The following PIGU variants were observed in gnomAD, a reference collection of about 807,000 sequenced individuals.
The protein encoded by PIGU is phosphatidylinositol glycan anchor biosynthesis class U.
Under a neutral mutation model 49.9 loss-of-function variants are expected in PIGU, and 24 were observed. That is an observed-to-expected ratio of 0.48 (90% CI 0.35 to 0.68). PIGU has a LOEUF of 0.68. Ranked by LOEUF, PIGU falls within the 30% of genes least tolerant of loss-of-function variation. The probability of loss-of-function intolerance (pLI) is 0.01; values close to 1 mark genes in which losing one functional copy is unlikely to be tolerated. For synonymous variants in PIGU, 220 were observed against 205.7 expected, an observed-to-expected ratio of 1.07 and a Z score of -0.59; for missense variants, 490 against 532.6, an observed-to-expected ratio of 0.92 and a Z score of 0.79.
At chr20:34,580,807 G>A (rs1332281535) in intron 10 of PIGU, among the ~76,000 whole-genome samples, 1 of 152,180 alleles carries the variant, frequency 6.6e-6, no homozygotes, top group Non-Finnish European at 1.5e-5. Flanking sequence ...CCACCATAGA[G>A]GGCTAAGAGC....
intron 4 of PIGU, chr20:34,643,800 CAAAAA>C (rs749414414): frequency 4.4e-5 from 2 of 45,122 alleles, no homozygotes; most frequent in African/African-American, 6.7e-5. Context: ...TCTTCCTATG[CAAAAA>C]AAAAAAAAAA....
In PIGU at chr20:34,620,394, C is replaced by CTTTCTACTAGA. The variant is rs543577934; in HGVS notation, c.530-4256_530-4255insTCTAGTAGAAA. On this transcript the variant is annotated intron_variant, in intron 6 of 11. Transcript: ENST00000217446. ...CTAGTAGAAAGCATTCGTTTGATAG[C>CTTTCTACTAGA]CAGGTGAAAGGTCACTTTGTCTATG... is the stretch of plus-strand genomic sequence containing the variant. Among the ~76,000 whole-genome samples, 27 of 152,278 alleles carry CTTTCTACTAGA rather than the reference C, an allele frequency of 1.8e-4. No homozygotes were observed. The East Asian group carries it at 4.4e-3, about 25-fold the overall frequency.
At chr20:34,614,398 G>A (rs939618382) in intron 7 of PIGU, among the ~76,000 whole-genome samples, 5 of 152,044 alleles carry the variant, frequency 3.3e-5, no homozygotes, top group South Asian at 2.1e-4. Context: ...ACCAAAGTGG[G>A]TGGGTGGATG....
chr20:34,630,478 T>C (rs1386579333), intron 6 of PIGU, among the ~76,000 whole-genome samples: 1 of 152,002 alleles, frequency 6.6e-6, no homozygotes, highest in Non-Finnish European at 1.5e-5. Context: ...GAAAACTGAA[T>C]AGTTGCAAAG....
chr20:34,574,950 C>T (rs1324593722), intron 11 of PIGU, among the ~76,000 whole-genome samples, 154 bp downstream of exon 11: 3 of 152,150 alleles, frequency 2.0e-5, no homozygotes, highest in African/African-American at 7.2e-5. Flanking sequence ...TCTTACTTCC[C>T]CGTCCTCACT....
chr20:34,571,882 C>T (rs949038831), intron 11 of PIGU, among the ~76,000 whole-genome samples: 4 of 152,178 alleles, frequency 2.6e-5, no homozygotes, highest in Admixed American at 2.6e-4. Context: ...GGACATGCCT[C>T]GAGTGACTGC....
chr20:34,612,609 C>A (rs1600627951), intron 7 of PIGU, among the ~76,000 whole-genome samples: 1 of 150,440 alleles, frequency 6.6e-6, no homozygotes, highest in Non-Finnish European at 1.5e-5. Context: ...AGTTCTTTTT[C>A]TTTCCTTTTC....
At position 34,581,648 on chromosome 20, in the gene PIGU, A is replaced by G; in HGVS notation, c.951T>C (p.Phe317=). 1 of 1,613,822 alleles carries G rather than the reference A, an allele frequency of 6.2e-7. No individual in the cohort carries two copies. Among genetic ancestry groups the G allele is most frequent in the African/African-American group, 1.3e-5 (1 of 74,976 alleles). ...KLKEHPIFFM[F]IQIAVIAIFK... The stretch of plus-strand genomic sequence containing the variant: ...AGATGGCGATGACAGCGATCTGGAT[A>G]AACATGAAGAAGATGGGGTGCTCCC... Residue 317 remains phenylalanine, a synonymous_variant, in exon 10 of 12, where the codon TTT becomes TTC. Transcript: ENST00000217446.
chr20:34,604,750 C>T (rs1894753894), intron 7 of PIGU, among the ~76,000 whole-genome samples: 1 of 152,146 alleles, frequency 6.6e-6, no homozygotes, highest in South Asian at 2.1e-4. Context: ...AAGCTACCAT[C>T]ACATAACCTG....
chr20:34,653,312 A>T (rs1986600569), intron 2 of PIGU, among the ~76,000 whole-genome samples: 1 of 152,124 alleles, frequency 6.6e-6, no homozygotes, highest in African/African-American at 2.4e-5. Context: ...TGCTGATTTT[A>T]TGTCTGCTTG....
chr20:34,621,564 G>A (rs995633844), intron 6 of PIGU, among the ~76,000 whole-genome samples: 16 of 152,108 alleles, frequency 1.1e-4, no homozygotes, highest in Non-Finnish European at 7.4e-5. Flanking sequence ...CAGGGCGGAC[G>A]CACAGCCGGA....
intron 7 of PIGU, among the ~76,000 whole-genome samples, chr20:34,592,118 G>A (rs1157965013): frequency 4.0e-5 from 6 of 151,746 alleles, no homozygotes; most frequent in Non-Finnish European, 4.4e-5. Context: ...GAACCTGGGA[G>A]GTGGAGCTTG....
At chr20:34,606,244 G>A (rs1984607927) in intron 7 of PIGU, among the ~76,000 whole-genome samples, 1 of 125,036 alleles carries the variant, frequency 8.0e-6, no homozygotes. Flanking sequence ...GACAGAGTGA[G>A]ACTCCGTCTC....
intron 6 of PIGU, among the ~76,000 whole-genome samples, chr20:34,624,483 G>C (rs1009837746): frequency 6.6e-5 from 10 of 152,136 alleles, no homozygotes; most frequent in Non-Finnish European, 7.4e-5. Context: ...TTTCTCCTTG[G>C]CAAGCAAGTC....
intron 1 of PIGU, among the ~76,000 whole-genome samples, chr20:34,664,437 G>T (rs1460745589): frequency 6.6e-6 from 1 of 152,208 alleles, no homozygotes; most frequent in African/African-American, 2.4e-5. Context: ...AGTGGCTCAC[G>T]CCTGTAATCC....
At chr20:34,671,733 A>G (rs1251823296) in intron 1 of PIGU, among the ~76,000 whole-genome samples, 2 of 151,942 alleles carry the variant, frequency 1.3e-5, no homozygotes, top group East Asian at 3.9e-4. Flanking sequence ...CAGACTGACT[A>G]ACATGGTGAA....
At position 34,637,946 on chromosome 20, in the gene PIGU, C is replaced by T. The variant is rs1233521296; in HGVS notation, c.358G>A (p.Ala120Thr). Reference protein sequence around the residue: ...QKLLLELDQYAPDVAELIRTP... With the variant: ...QKLLLELDQYTPDVAELIRTP... Reference sequence around the variant, plus strand: ...CGGATGAGTTCGGCCACATCTGGGGCATACTGGTCCAGTTCTAGGAGGAGT... The same window carrying T: ...CGGATGAGTTCGGCCACATCTGGGGTATACTGGTCCAGTTCTAGGAGGAGT... Residue 120 changes from alanine to threonine, a missense_variant, in exon 5 of 12, where the codon GCC (alanine) becomes ACC (threonine). Ala to Thr is a moderately conservative substitution (Grantham distance 58, BLOSUM62 0). Coordinates refer to ENST00000217446, the MANE Select transcript of PIGU (RefSeq NM_080476.5). 6.3e-7 allele frequency: 1 copy of T among 1,595,584 alleles called. No homozygotes were observed. The highest frequency in any genetic ancestry group is 1.8e-5 in the Admixed American group (1 of 56,372).
intron 4 of PIGU, among the ~76,000 whole-genome samples, chr20:34,640,499 G>GCACGCA (rs1555801693): frequency 2.4e-4 from 4 of 16,468 alleles, no homozygotes; most frequent in South Asian, 3.3e-3. Flanking sequence ...GTGCGCACGC[G>GCACGCA]CACACACACA....
chr20:34,593,762 A>C (rs1984087568), intron 7 of PIGU, among the ~76,000 whole-genome samples: 1 of 152,192 alleles, frequency 6.6e-6, no homozygotes, highest in South Asian at 2.1e-4. Context: ...TGAAATGATA[A>C]AGCACTGTAC....
Sources: gnomAD v4.1 joint callset for allele counts (sites outside exome capture counted in the v4.1 genomes callset) on GRCh38, gnomAD v4.1.1 for gene constraint, MANE v1.5 for transcripts, NCBI Gene and HGNC (gene_info 2026-07-23, HGNC 2026-07-21) for gene names.